The following SLC35B4 variants were observed in gnomAD, a reference collection of about 807,000 sequenced individuals.
SLC35B4 encodes nucleotide sugar transporter SLC35B4.
Under a neutral mutation model 39.5 loss-of-function variants are expected in SLC35B4, and 28 were observed. The observed-to-expected ratio is 0.71, with a 90% CI of 0.53 to 0.97. The LOEUF is 0.97. Ranked by LOEUF, SLC35B4 falls within the 50% of genes least tolerant of loss-of-function variation. The pLI, the probability that SLC35B4 is intolerant of heterozygous loss-of-function variation, is 0.00. For missense variants in SLC35B4, 334 were observed against 414.3 expected (o/e 0.81, Z 1.68); for synonymous variants, 145 against 150.4 (o/e 0.96, Z 0.26).
chr7:134,315,763 T>C (rs970455670), intron 1 of SLC35B4, among the ~76,000 whole-genome samples: 8 of 152,164 alleles, frequency 5.3e-5, no homozygotes, highest in Non-Finnish European at 2.9e-5. Context: ...CTATAGGTAT[T>C]GTTTTACTGC....
At chr7:134,295,940 C>T (rs1803456058) in intron 9 of SLC35B4, among the ~76,000 whole-genome samples, 1 of 152,188 alleles carries the variant, frequency 6.6e-6, no homozygotes. Flanking sequence ...AGCGATTCTC[C>T]TGCCTCAGCC....
intron 4 of SLC35B4, among the ~76,000 whole-genome samples, chr7:134,302,625 G>T (rs1032299732): frequency 1.3e-5 from 2 of 152,112 alleles, no homozygotes; most frequent in Non-Finnish European, 2.9e-5. Flanking sequence ...ACTTAACATT[G>T]TTTTAAAATG....
At chr7:134,316,554 G>T in intron 1 of SLC35B4, 121 bp downstream of exon 1, 2 of 1,037,774 alleles carry the variant, frequency 1.9e-6, no homozygotes, top group Non-Finnish European at 2.8e-6. Context: ...AGGCCGTCCT[G>T]CCCCGGGCTC....
intron 4 of SLC35B4, among the ~76,000 whole-genome samples, chr7:134,304,103 GA>G (rs780621088): frequency 3.9e-5 from 6 of 152,194 alleles, no homozygotes; most frequent in African/African-American, 7.2e-5. Flanking sequence ...TGAGATGTTA[GA>G]AATGTTCCAC....
upstream of SLC35B4, among the ~76,000 whole-genome samples, chr7:134,319,817 C>CT (rs1804065539): frequency 6.6e-6 from 1 of 152,192 alleles, no homozygotes; most frequent in African/African-American, 2.4e-5. Context: ...CGGTCTTCCT[C>CT]TTTTTTCCAC....
intron 8 of SLC35B4, chr7:134,299,204 G>T (rs1803527409): frequency 4.6e-6 from 1 of 216,608 alleles, no homozygotes; most frequent in South Asian, 7.9e-5. Flanking sequence ...ACTTCGCAGG[G>T]CTCCAGTCTC....
chr7:134,295,028 G>A lies in SLC35B4; in HGVS notation c.801C>T (p.Leu267=), dbSNP rs1014084285. 3.1e-6 allele frequency: 5 copies of A among 1,614,210 alleles called. No homozygotes were observed. In the South Asian group the frequency reaches 3.3e-5, roughly 11 times the overall value. The change falls in exon 10 of 10, where the codon CTC becomes CTT. Residue 267 remains leucine (L), a synonymous_variant. Transcript: ENST00000378509. Reference sequence around the variant, plus strand: ...GTAGGGTCACGACGAGCGTGACGGTGAGGGAGGCGCATTCTGTGGTGAGGA... The same window carrying A: ...GTAGGGTCACGACGAGCGTGACGGTAAGGGAGGCGCATTCTGTGGTGAGGA... ...VFILTTECAS[L]TVTLVVTLRK...
At chr7:134,319,146 T>C (rs1205896952), upstream of SLC35B4, among the ~76,000 whole-genome samples, 1 of 152,196 alleles carries the variant, frequency 6.6e-6, no homozygotes, top group Non-Finnish European at 1.5e-5. Context: ...AACTAACTTA[T>C]CTTTCTTCCT....
At chr7:134,297,680 TAA>T (rs2117282812) in intron 8 of SLC35B4, among the ~76,000 whole-genome samples, 1 of 152,310 alleles carries the variant, frequency 6.6e-6, no homozygotes, top group African/African-American at 2.4e-5. Context: ...AGAAAATCAA[TAA>T]AAATAAAATT....
chr7:134,315,654 AAAAAAC>A (rs1803956111), intron 1 of SLC35B4, among the ~76,000 whole-genome samples: 1 of 142,214 alleles, frequency 7.0e-6, no homozygotes, highest in Non-Finnish European at 1.5e-5. Context: ...AAAAAAAAAC[AAAAAAC>A]AAAAAACACC....
chr7:134,294,950 G>A lies in SLC35B4; in HGVS notation c.879C>T (p.Thr293=), dbSNP rs778788380. ...ACAAGGTGCCCAGCCAGTGCCACAG[G>A]GTGAAGGGGTTCTGGAAGTACAAGA... The part of the protein sequence containing the change: ...FSILYFQNPF[T]LWHWLGTLFV... Residue 293 remains threonine, a synonymous_variant, in exon 10 of 10, where the codon ACC becomes ACT. Transcript: ENST00000378509. The A allele has an allele frequency of 5.6e-6, 9 of 1,614,190 alleles. No individual in the cohort carries two copies. In the South Asian group the frequency reaches 7.7e-5, roughly 14 times the overall value.
chr7:134,314,064 A>C (rs1234726556), intron 1 of SLC35B4, among the ~76,000 whole-genome samples: 1 of 152,200 alleles, frequency 6.6e-6, no homozygotes, highest in Admixed American at 6.5e-5. Context: ...TTTATTTACA[A>C]ATTATTCAAA....
upstream of SLC35B4, among the ~76,000 whole-genome samples, chr7:134,317,519 T>A (rs1804014996): frequency 6.6e-6 from 1 of 152,220 alleles, no homozygotes. Flanking sequence ...TTATCCCTAA[T>A]CCTAGCTCTT....
rs1862049 is a variant in SLC35B4 at position 134,293,592 on chromosome 7, A to T, written c.*1241T>A. On this transcript the variant is annotated 3_prime_UTR_variant, in exon 10 of 10. Transcript: ENST00000378509. Reference sequence around the variant, plus strand: ...TTCCCTTGATGGGTCGTGACTCTTAACAGAGTCATCGGGCAGAGGGGAATC... The same window carrying T: ...TTCCCTTGATGGGTCGTGACTCTTATCAGAGTCATCGGGCAGAGGGGAATC... 76,849 of 151,828 alleles carry T rather than the reference A, an allele frequency of 0.51. 20,027 individuals are homozygous for T. Among genetic ancestry groups the T allele is most frequent in the African/African-American group, 0.61 (25,137 of 41,394 alleles). The allele number at this position is 151,828 out of a possible 1,614,324, so 9.4% of individuals were successfully genotyped here. A position where few individuals can be genotyped will look rare whatever the true frequency, so the allele number is the denominator to read the frequency against.
In SLC35B4 at chr7:134,316,788, A is replaced by T. The variant is rs1428851128; in HGVS notation, c.-37T>A. On this transcript the variant is annotated 5_prime_UTR_variant, in exon 1 of 10. Transcript: ENST00000378509. The stretch of plus-strand genomic sequence containing the variant: ...GGTTGGGGAAGCAAGCGCACAGAGT[A>T]AGCGCCCGCCTGTACCGCTACCCCA... 6.6e-7 allele frequency: 1 copy of T among 1,514,006 alleles called. No homozygotes were observed. Among genetic ancestry groups the T allele is most frequent in the African/African-American group, 1.4e-5 (1 of 72,836 alleles). The allele number at this position is 1,514,006 out of a possible 1,614,324, so 93.8% of individuals were successfully genotyped here.
At chr7:134,300,018 C>A in intron 7 of SLC35B4, 134 bp downstream of exon 7, 1 of 625,580 alleles carries the variant, frequency 1.6e-6, no homozygotes, top group Non-Finnish European at 2.7e-6. Context: ...ATCAAAACTG[C>A]TTCAGTCTGT....
In SLC35B4 at chr7:134,306,794, G is replaced by C; in HGVS notation, c.192-20C>G. On this transcript the variant is annotated intron_variant, in intron 2 of 9. Transcript: ENST00000378509. ...TAGTACCTGAAATGCAGACAGAACA[G>C]CTCATCAAACAGAATCTAGGATTTC... 1.9e-6 allele frequency: 3 copies of C among 1,568,132 alleles called. No individual in the cohort carries two copies. Among genetic ancestry groups the C allele is most frequent in the Non-Finnish European group, 2.6e-6 (3 of 1,143,818 alleles).
chr7:134,298,658 A>G (rs1803519032), intron 8 of SLC35B4, among the ~76,000 whole-genome samples: 1 of 152,246 alleles, frequency 6.6e-6, no homozygotes, highest in African/African-American at 2.4e-5. Flanking sequence ...AGAGCCTTAC[A>G]AACTCTTACA....
At chr7:134,320,005 A>G (rs1371648256), upstream of SLC35B4, among the ~76,000 whole-genome samples, 1 of 152,176 alleles carries the variant, frequency 6.6e-6, no homozygotes, top group Non-Finnish European at 1.5e-5. Flanking sequence ...CTCCAGGCTG[A>G]TTCCAAAAAC....
Sources: allele counts gnomAD v4.1 joint callset (sites outside exome capture counted in the v4.1 genomes callset), GRCh38; gene constraint gnomAD v4.1.1; transcripts MANE v1.5; gene names NCBI Gene and HGNC (gene_info 2026-07-23, HGNC 2026-07-21).